RXFP1: variants seen among roughly 807,000 people sequenced by gnomAD.
The protein encoded by RXFP1 is relaxin family peptide receptor 1.
In RXFP1, 73 loss-of-function variants were observed where a neutral mutation model predicts 89.8. The observed-to-expected ratio is 0.81, with a 90% CI of 0.67 to 0.99. RXFP1 has a LOEUF of 0.99. Among genes scored for constraint, RXFP1 ranks in the 50% least tolerant of loss-of-function variants. The pLI is 0.00. For synonymous variants in RXFP1, 277 were observed against 305.5 expected, an observed-to-expected ratio of 0.91 and a Z score of 0.97; for missense variants, 793 against 895.5, an observed-to-expected ratio of 0.89 and a Z score of 1.46.
At chr4:158,649,993 T>A (rs1362817564) in intron 17 of RXFP1, among the ~76,000 whole-genome samples, 1 of 152,222 alleles carries the variant, frequency 6.6e-6, no homozygotes, top group East Asian at 1.9e-4. Context: ...AATACAAATG[T>A]CCATAGATTG....
At chr4:158,568,393 G>A (rs1220621709) in intron 1 of RXFP1, among the ~76,000 whole-genome samples, 1 of 152,212 alleles carries the variant, frequency 6.6e-6, no homozygotes, top group Non-Finnish European at 1.5e-5. Context: ...ATTCAAAAGA[G>A]CTGCATGAAA....
At chr4:158,647,962 GCAAGATAGTGC>G (rs1280543971) in intron 16 of RXFP1, among the ~76,000 whole-genome samples, 3 of 150,644 alleles carry the variant, frequency 2.0e-5, no homozygotes, top group Non-Finnish European at 4.4e-5. Context: ...TTGCAGTGAG[GCAAGATAGTGC>G]CACTGCACTC....
intron 2 of RXFP1, among the ~76,000 whole-genome samples, chr4:158,588,733 G>A (rs1404533286): frequency 2.0e-5 from 3 of 152,150 alleles, no homozygotes; most frequent in Non-Finnish European, 4.4e-5. Flanking sequence ...AATGAAGTTG[G>A]GTCAATCTAC....
intron 9 of RXFP1, among the ~76,000 whole-genome samples, chr4:158,622,685 G>T (rs185038110): frequency 5.9e-5 from 9 of 152,278 alleles, no homozygotes; most frequent in Non-Finnish European, 1.2e-4. Flanking sequence ...TAGAAACAGA[G>T]TAGAATCGTG....
chr4:158,617,250 G>GT, intron 9 of RXFP1, 45 bp downstream of exon 9: 1 of 1,393,496 alleles, frequency 7.2e-7, no homozygotes, highest in Non-Finnish European at 1.0e-6. Context: ...TAAATTTTCT[G>GT]TTTTTACCTA....
At chr4:158,558,544 AAAT>A (rs1374116805) in intron 1 of RXFP1, among the ~76,000 whole-genome samples, 1 of 152,222 alleles carries the variant, frequency 6.6e-6, no homozygotes, top group Non-Finnish European at 1.5e-5. Flanking sequence ...AACTACAAAA[AAAT>A]AAAGCTGAAC....
chr4:158,628,826 A>C (rs987203538), intron 11 of RXFP1, 117 bp downstream of exon 11: 1 of 497,604 alleles, frequency 2.0e-6, no homozygotes. Context: ...TCTAAGCATT[A>C]TTTACATATA....
chr4:158,541,313 T>C (rs1176981659), intron 1 of RXFP1, among the ~76,000 whole-genome samples: 1 of 147,732 alleles, frequency 6.8e-6, no homozygotes, highest in Non-Finnish European at 1.5e-5. Flanking sequence ...ATTAAAATTC[T>C]TTGTGACTTA....
Position 158,626,460 on chromosome 4 carries a change from CTT to C in RXFP1, c.756-358_756-357del, listed in dbSNP as rs550614881. ...CCACTTAGGGAAATGCCATCGGTAA[CTT>C]TGGACAAATGTTTCATATGGTTCAT... On this transcript the variant is annotated intron_variant, in intron 9 of 17. Transcript: ENST00000307765. 1.9e-4 allele frequency among the ~76,000 whole-genome samples: 29 copies of C among 152,096 alleles called. 1 individual carries two copies. In the South Asian group the frequency reaches 6.0e-3, roughly 32 times the overall value.
At chr4:158,614,970 A>C (rs1764265837) in intron 8 of RXFP1, among the ~76,000 whole-genome samples, 1 of 152,016 alleles carries the variant, frequency 6.6e-6, no homozygotes, top group Non-Finnish European at 1.5e-5. Context: ...TAAAATATTT[A>C]GTTAACCATG....
intron 14 of RXFP1, among the ~76,000 whole-genome samples, chr4:158,644,349 T>C (rs1045920179): frequency 3.9e-5 from 6 of 152,192 alleles, no homozygotes; most frequent in African/African-American, 1.4e-4. Flanking sequence ...CCCAGCCTTG[T>C]ATGTCTTCTT....
intron 11 of RXFP1, 114 bp from the exon 12 acceptor site, chr4:158,633,291 T>C: frequency 1.5e-6 from 1 of 656,604 alleles, no homozygotes; most frequent in Non-Finnish European, 2.7e-6. Context: ...TGGTGATTAA[T>C]ATAACTCACC....
At chr4:158,544,218 C>A (rs1747600525) in intron 1 of RXFP1, 4 of 985,342 alleles carry the variant, frequency 4.1e-6, no homozygotes, top group Non-Finnish European at 4.8e-6. Context: ...GCTGCCATCT[C>A]CAATATGTCT....
At chr4:158,641,760 G>A (rs1770423887) in intron 14 of RXFP1, among the ~76,000 whole-genome samples, 1 of 152,066 alleles carries the variant, frequency 6.6e-6, no homozygotes, top group Admixed American at 6.5e-5. Context: ...GATCTAATTT[G>A]AAGTTCAATT....
chr4:158,551,692 G>A (rs1175429253), intron 1 of RXFP1, among the ~76,000 whole-genome samples: 1 of 152,088 alleles, frequency 6.6e-6, no homozygotes, highest in Non-Finnish European at 1.5e-5. Context: ...TGTAATCCCA[G>A]CACTTTGAGC....
At chr4:158,605,022 G>A (rs372202887) in intron 4 of RXFP1, 46 bp from the exon 5 acceptor site, 5 of 1,106,322 alleles carry the variant, frequency 4.5e-6, no homozygotes, top group Non-Finnish European at 6.7e-6. Context: ...TAATTTAAAA[G>A]TAAAGGAAAA....
At chr4:158,622,967 T>A (rs1023889842) in intron 9 of RXFP1, among the ~76,000 whole-genome samples, 2 of 152,182 alleles carry the variant, frequency 1.3e-5, no homozygotes, top group African/African-American at 4.8e-5. Context: ...ATACCTTAAG[T>A]ATACACAGTT....
At chr4:158,567,163 C>T (rs1753754835) in intron 1 of RXFP1, among the ~76,000 whole-genome samples, 1 of 152,176 alleles carries the variant, frequency 6.6e-6, no homozygotes, top group Non-Finnish European at 1.5e-5. Context: ...CTGCAGCCTA[C>T]CATGCCTGAG....
intron 12 of RXFP1, among the ~76,000 whole-genome samples, chr4:158,633,821 T>C (rs1359670948): frequency 6.6e-6 from 1 of 152,234 alleles, no homozygotes; most frequent in Non-Finnish European, 1.5e-5. Context: ...CTACTTAGCA[T>C]ACTGTCTTCA....
Sources: gnomAD v4.1 joint callset for allele counts (sites outside exome capture counted in the v4.1 genomes callset) on GRCh38, gnomAD v4.1.1 for gene constraint, MANE v1.5 for transcripts, NCBI Gene and HGNC (gene_info 2026-07-23, HGNC 2026-07-21) for gene names.